SH3GL2: variants seen among roughly 807,000 people sequenced by gnomAD.
SH3GL2 encodes the protein endophilin-A1.
SH3GL2 carries 24 observed loss-of-function variants against 46.0 expected under a neutral mutation model. The ratio of observed to expected loss-of-function variants is 0.52; its 90% confidence interval spans 0.38 to 0.73. The LOEUF (loss-of-function observed/expected upper bound fraction) is 0.73, where lower values mean the gene tolerates loss of function less well. Among genes scored for constraint, SH3GL2 ranks in the 30% least tolerant of loss-of-function variants. The pLI, the probability that SH3GL2 is intolerant of heterozygous loss-of-function variation, is 0.00. For missense variants in SH3GL2, 413 were observed against 424.2 expected (o/e 0.97, Z 0.23); for synonymous variants, 196 against 147.1 (o/e 1.33, Z -2.40).
intron 6 of SH3GL2, chr9:17,789,766 CT>C: frequency 1.0e-6 from 1 of 983,704 alleles, no homozygotes; most frequent in Non-Finnish European, 1.2e-6. Context: ...AGATTCTCGA[CT>C]GCTAATGAAT....
chr9:17,634,760 G>A (rs994988299), intron 1 of SH3GL2, among the ~76,000 whole-genome samples: 2 of 152,150 alleles, frequency 1.3e-5, no homozygotes, highest in African/African-American at 4.8e-5. Flanking sequence ...GGCCATGTCA[G>A]TCAGCCAACA....
chr9:17,779,336 A>G (rs938262728), intron 3 of SH3GL2, among the ~76,000 whole-genome samples: 2 of 152,190 alleles, frequency 1.3e-5, no homozygotes, highest in African/African-American at 2.4e-5. Context: ...AGGGGTTTCC[A>G]TCTGAAACTT....
intron 1 of SH3GL2, among the ~76,000 whole-genome samples, chr9:17,640,376 T>G (rs1466146448): frequency 6.6e-6 from 1 of 152,154 alleles, no homozygotes; most frequent in East Asian, 1.9e-4. Flanking sequence ...TTAAACCATA[T>G]TAATCCAATT....
intron 1 of SH3GL2, among the ~76,000 whole-genome samples, chr9:17,630,140 A>G (rs1439624173): frequency 6.6e-6 from 1 of 152,198 alleles, no homozygotes; most frequent in Non-Finnish European, 1.5e-5. Flanking sequence ...AATCTAACAT[A>G]TAATTAGAAT....
Position 17,579,291 on chromosome 9 carries a change from A to T in SH3GL2, c.45+4A>T. 3 of 1,560,222 alleles carry T rather than the reference A, an allele frequency of 1.9e-6. No homozygotes were observed. The highest frequency in any genetic ancestry group is 2.6e-6 in the Non-Finnish European group (3 of 1,153,908). On this transcript the variant is annotated splice_donor_region_variant and intron_variant, in intron 1 of 8. Coordinates refer to ENST00000380607, the MANE Select transcript of SH3GL2 (RefSeq NM_003026.5). Reference sequence around the variant, plus strand: ...GCAGTTCCATAAAGCCACTCAGGTAAGGCGCGCGGCAGGTGCGTCCCGGGG... The same window carrying T: ...GCAGTTCCATAAAGCCACTCAGGTATGGCGCGCGGCAGGTGCGTCCCGGGG...
At chr9:17,683,526 C>A (rs556347500) in intron 1 of SH3GL2, among the ~76,000 whole-genome samples, 4 of 152,084 alleles carry the variant, frequency 2.6e-5, no homozygotes, top group Non-Finnish European at 4.4e-5. Flanking sequence ...AAATATTATC[C>A]ACTGGGACTA....
chr9:17,770,493 A>C (rs977819956), intron 3 of SH3GL2, among the ~76,000 whole-genome samples: 4 of 152,200 alleles, frequency 2.6e-5, no homozygotes, highest in Non-Finnish European at 5.9e-5. Context: ...ACACCCTTAT[A>C]TAATCCCTTC....
intron 1 of SH3GL2, among the ~76,000 whole-genome samples, chr9:17,611,907 T>C (rs1415089510): frequency 6.6e-6 from 1 of 152,206 alleles, no homozygotes; most frequent in African/African-American, 2.4e-5. Flanking sequence ...CAACACTCTT[T>C]CCCACCATAA....
chr9:17,703,910 A>G (rs6475165), intron 1 of SH3GL2, among the ~76,000 whole-genome samples: 23,356 of 151,750 alleles, frequency 0.15, 2,789 homozygotes, highest in African/African-American at 0.32. Context: ...CTCTTTCACC[A>G]CTCCTATTCT....
At chr9:17,604,463 T>G (rs1468998056) in intron 1 of SH3GL2, among the ~76,000 whole-genome samples, 2 of 152,248 alleles carry the variant, frequency 1.3e-5, no homozygotes, top group East Asian at 3.8e-4. Context: ...TGTTATTGCT[T>G]TGTTATTGCT....
At chr9:17,591,892 A>G (rs1158065457) in intron 1 of SH3GL2, among the ~76,000 whole-genome samples, 6 of 152,352 alleles carry the variant, frequency 3.9e-5, no homozygotes, top group Middle Eastern at 3.4e-3. Flanking sequence ...TCCTAAGCGT[A>G]TCATTCAGTT....
At chr9:17,665,807 G>T (rs1820328122) in intron 1 of SH3GL2, among the ~76,000 whole-genome samples, 1 of 150,488 alleles carries the variant, frequency 6.6e-6, no homozygotes, top group Non-Finnish European at 1.5e-5. Flanking sequence ...ATAACTTTTA[G>T]GTCTTCTTGG....
intron 1 of SH3GL2, among the ~76,000 whole-genome samples, chr9:17,606,539 C>T (rs6475156): frequency 0.078 from 11,847 of 152,120 alleles, 1,522 homozygotes; most frequent in African/African-American, 0.27. Context: ...AATCTTGCTT[C>T]GATGGTCCAT....
intron 2 of SH3GL2, 46 bp downstream of exon 2, chr9:17,747,180 C>A: frequency 2.5e-6 from 3 of 1,196,932 alleles, no homozygotes; most frequent in East Asian, 2.4e-5. Context: ...ATAAACATGT[C>A]TACCATAATT....
chr9:17,784,946 C>G (rs547245149), intron 3 of SH3GL2, among the ~76,000 whole-genome samples: 3 of 152,186 alleles, frequency 2.0e-5, no homozygotes, highest in African/African-American at 7.2e-5. Context: ...CTCCTGGCCT[C>G]AAATGATCCT....
chr9:17,655,978 G>T (rs1008599282), intron 1 of SH3GL2, among the ~76,000 whole-genome samples: 1 of 152,290 alleles, frequency 6.6e-6, no homozygotes, highest in South Asian at 2.1e-4. Context: ...AATTAGGTTT[G>T]TGGCAGTTGG....
chr9:17,666,977 G>C (rs773254763), intron 1 of SH3GL2, among the ~76,000 whole-genome samples: 1 of 152,060 alleles, frequency 6.6e-6, no homozygotes, highest in Admixed American at 6.6e-5. Context: ...GTATTGCAGC[G>C]TAGTTGTCAT....
At chr9:17,647,224 C>G (rs967542693) in intron 1 of SH3GL2, among the ~76,000 whole-genome samples, 3 of 152,206 alleles carry the variant, frequency 2.0e-5, no homozygotes, top group African/African-American at 7.2e-5. Context: ...AGTATATTCT[C>G]TCATCACTAA....
intron 1 of SH3GL2, among the ~76,000 whole-genome samples, chr9:17,718,041 A>G (rs1273397703): frequency 6.6e-6 from 1 of 152,132 alleles, no homozygotes; most frequent in Non-Finnish European, 1.5e-5. Context: ...GACAACTTGT[A>G]CCCAGTGAAT....
Sources: gnomAD v4.1 joint callset for allele counts (sites outside exome capture counted in the v4.1 genomes callset) on GRCh38, gnomAD v4.1.1 for gene constraint, MANE v1.5 for transcripts, NCBI Gene and HGNC (gene_info 2026-07-23, HGNC 2026-07-21) for gene names.